The following PLA2G4A variants were observed in gnomAD, a reference collection of about 807,000 sequenced individuals.
The protein encoded by PLA2G4A is phospholipase A2 group IVA.
In PLA2G4A, 40 loss-of-function variants were observed where a neutral mutation model predicts 81.9. The observed-to-expected ratio is 0.49, with a 90% confidence interval of 0.38 to 0.64. The LOEUF is 0.64. Ranked by LOEUF, PLA2G4A falls within the 30% of genes least tolerant of loss-of-function variation. The pLI is 0.00. For missense variants in PLA2G4A, 715 were observed against 905.1 expected (o/e 0.79, Z 2.69); for synonymous variants, 302 against 296.9 (o/e 1.02, Z -0.18).
intron 1 of PLA2G4A, among the ~76,000 whole-genome samples, chr1:186,831,552 T>G (rs912983403): frequency 6.6e-6 from 1 of 152,194 alleles, no homozygotes; most frequent in Non-Finnish European, 1.5e-5. Flanking sequence ...TATTGGATTG[T>G]GGGGTGTCTA....
chr1:186,922,866 C>G (rs1054851073), intron 7 of PLA2G4A, among the ~76,000 whole-genome samples: 2 of 152,152 alleles, frequency 1.3e-5, no homozygotes, highest in Admixed American at 6.5e-5. Flanking sequence ...ATTGAGCAAG[C>G]AGGGGTTACG....
chr1:186,854,071 T>C (rs1652468522), intron 1 of PLA2G4A, among the ~76,000 whole-genome samples: 1 of 151,944 alleles, frequency 6.6e-6, no homozygotes, highest in African/African-American at 2.4e-5. Flanking sequence ...CAGTATAAAT[T>C]TGAACAAGTA....
rs759561392 is a variant in PLA2G4A, at chr1:186,939,058, A to G, written c.746A>G (p.Glu249Gly). 1.2e-6 allele frequency: 2 copies of G among 1,611,460 alleles called. No homozygotes were observed. The highest frequency in any genetic ancestry group is 2.2e-5 in the South Asian group (2 of 91,044). ...CCTGATTTTCCAGAGAAAGGGCCAG[A>G]GGAGATTAATGAAGAACTAATGAAA... ...SHPDFPEKGP[E>G]EINEELMKNV... Residue 249 changes from glutamate to glycine, a missense_variant, in exon 9 of 18, where the codon GAG becomes GGG. Glu to Gly is a moderately conservative substitution (Grantham distance 98). Coordinates refer to ENST00000367466, the MANE Select transcript of PLA2G4A (RefSeq NM_024420.3).
intron 2 of PLA2G4A, among the ~76,000 whole-genome samples, chr1:186,869,854 T>C (rs1300580708): frequency 2.0e-5 from 3 of 152,236 alleles, no homozygotes; most frequent in African/African-American, 4.8e-5. Flanking sequence ...TGAAGTCCTC[T>C]ACCTGTTAAT....
At chr1:186,843,260 G>A (rs910260290) in intron 1 of PLA2G4A, among the ~76,000 whole-genome samples, 6 of 152,114 alleles carry the variant, frequency 3.9e-5, no homozygotes, top group Non-Finnish European at 8.8e-5. Context: ...TTTAACAAGT[G>A]TGGATTTTCA....
chr1:186,857,405 A>G (rs1324556397), intron 2 of PLA2G4A, among the ~76,000 whole-genome samples: 4 of 128,936 alleles, frequency 3.1e-5, no homozygotes, highest in Non-Finnish European at 6.3e-5. Context: ...TATATAATAT[A>G]TATTATATAA....
rs1293925668 is a variant in PLA2G4A, at chr1:186,963,037, T to C, written c.1580-2372T>C. Among the ~76,000 whole-genome samples, 5 of 152,322 alleles carry C rather than the reference T, an allele frequency of 3.3e-5. 1 individual carries two copies. Among genetic ancestry groups the C allele is most frequent in the African/African-American group, 1.2e-4 (5 of 41,574 alleles). ...TAAAATGGCTACCTCCTTTGTAAGA[T>C]TGTTTCCTTATCTTTAAAATGGCTG... On this transcript the variant is annotated intron_variant, in intron 14 of 17. Transcript: ENST00000367466.
chr1:186,857,141 A>AATTATATAATATTCTATAATATAT (rs1652595709), intron 2 of PLA2G4A, among the ~76,000 whole-genome samples: 1 of 38,382 alleles, frequency 2.6e-5, no homozygotes. Context: ...TATATTATAT[A>AATTATATAATATTCTATAATATAT]ATTATATAAT....
chr1:186,975,030 C>T (rs749987772), intron 15 of PLA2G4A, among the ~76,000 whole-genome samples: 2 of 152,282 alleles, frequency 1.3e-5, no homozygotes, highest in East Asian at 3.9e-4. Context: ...CTGGTCATAC[C>T]CTTGAGTCAT....
At chr1:186,844,199 G>A (rs933698877) in intron 1 of PLA2G4A, among the ~76,000 whole-genome samples, 1 of 152,150 alleles carries the variant, frequency 6.6e-6, no homozygotes, top group African/African-American at 2.4e-5. Context: ...TAAACTGAGA[G>A]TATGGTTTGA....
chr1:186,896,070 A>T (rs1654322462), intron 5 of PLA2G4A, among the ~76,000 whole-genome samples: 1 of 151,702 alleles, frequency 6.6e-6, no homozygotes. Context: ...ATATACTGAC[A>T]TATTATTTAG....
chr1:186,949,584 T>C (rs1656478204), intron 12 of PLA2G4A, among the ~76,000 whole-genome samples: 1 of 152,132 alleles, frequency 6.6e-6, no homozygotes, highest in African/African-American at 2.4e-5. Context: ...AAACTAATAA[T>C]ATTAGCTTGT....
At chr1:186,847,953 T>C (rs1197492436) in intron 1 of PLA2G4A, among the ~76,000 whole-genome samples, 2 of 152,172 alleles carry the variant, frequency 1.3e-5, no homozygotes, top group African/African-American at 4.8e-5. Flanking sequence ...TCTCAGGGTT[T>C]GTTGGAAGAA....
intron 17 of PLA2G4A, among the ~76,000 whole-genome samples, chr1:186,980,179 C>A (rs1437899569): frequency 6.6e-6 from 1 of 151,966 alleles, no homozygotes; most frequent in African/African-American, 2.4e-5. Flanking sequence ...GACCTCGTTA[C>A]CCGCCCGCCT....
chr1:186,986,964 G>A (rs982404698), intron 17 of PLA2G4A, among the ~76,000 whole-genome samples: 6 of 152,132 alleles, frequency 3.9e-5, no homozygotes, highest in Non-Finnish European at 7.3e-5. Flanking sequence ...ACTCATTCAC[G>A]TTTGAGCCCA....
chr1:186,943,253 A>G (rs1003455494), intron 10 of PLA2G4A, among the ~76,000 whole-genome samples: 1 of 152,232 alleles, frequency 6.6e-6, no homozygotes, highest in South Asian at 2.1e-4. Flanking sequence ...GAAATTTTCA[A>G]CAAATAAACA....
In PLA2G4A at chr1:186,893,173, T is replaced by A; in HGVS notation, c.264+14T>A. 6.2e-7 allele frequency: 1 copy of A among 1,603,486 alleles called. No individual in the cohort carries two copies. Among genetic ancestry groups the A allele is most frequent in the Non-Finnish European group, 8.5e-7 (1 of 1,170,500 alleles). On this transcript the variant is annotated intron_variant, in intron 4 of 17. Coordinates refer to ENST00000367466, the MANE Select transcript of PLA2G4A (RefSeq NM_024420.3). ...AATGTTTTGGAGGTAAGTGAACCATTTGGATGCTGTTAGATGGTTGTGATT... is the reference window on the plus strand; with the variant it reads ...AATGTTTTGGAGGTAAGTGAACCATATGGATGCTGTTAGATGGTTGTGATT...
At chr1:186,904,518 G>A (rs1309190606) in intron 5 of PLA2G4A, among the ~76,000 whole-genome samples, 3 of 152,226 alleles carry the variant, frequency 2.0e-5, no homozygotes, top group African/African-American at 7.2e-5. Flanking sequence ...TCTGAACATA[G>A]TGCACCAAGC....
At chr1:186,890,880 A>C (rs1654113161) in intron 3 of PLA2G4A, among the ~76,000 whole-genome samples, 1 of 151,870 alleles carries the variant, frequency 6.6e-6, no homozygotes, top group African/African-American at 2.4e-5. Flanking sequence ...AAAGAAAAAA[A>C]TTGTTGCTTC....
Sources: gnomAD v4.1 joint callset for allele counts (sites outside exome capture counted in the v4.1 genomes callset) on GRCh38, gnomAD v4.1.1 for gene constraint, MANE v1.5 for transcripts, NCBI Gene and HGNC (gene_info 2026-07-23, HGNC 2026-07-21) for gene names.